ZNHIT6: variants seen among roughly 807,000 people sequenced by gnomAD.
ZNHIT6 encodes box C/D snoRNA protein 1.
In ZNHIT6, 45 loss-of-function variants were observed where a neutral mutation model predicts 57.2. The observed-to-expected ratio is 0.79, with a 90% CI of 0.62 to 1.01. The LOEUF (loss-of-function observed/expected upper bound fraction) is 1.01. Among genes scored for constraint, ZNHIT6 ranks in the 50% least tolerant of loss-of-function variants. ZNHIT6 has a pLI of 0.00. For synonymous variants in ZNHIT6, 188 were observed against 190.0 expected, an observed-to-expected ratio of 0.99 and a Z score of 0.09; for missense variants, 528 against 567.3, an observed-to-expected ratio of 0.93 and a Z score of 0.70.
rs1296798266 is a variant in ZNHIT6, at chr1:85,707,960, C to T, written c.325G>A (p.Asp109Asn). Reference protein sequence around the residue: ...QEVEDRPEVKDENAGVLEVKQ... With the variant: ...QEVEDRPEVKNENAGVLEVKQ... Reference sequence around the variant, plus strand: ...ACCTCCAATACGCCTGCGTTCTCATCCTTCACCTCAGGCCTATCCTCCACC... The same window carrying T: ...ACCTCCAATACGCCTGCGTTCTCATTCTTCACCTCAGGCCTATCCTCCACC... The change falls in exon 1 of 10, where the codon GAT becomes AAT. Residue 109 changes from aspartate to asparagine, a missense_variant. Physicochemically the swap from Asp to Asn is conservative, Grantham distance 23. Coordinates refer to ENST00000370574, the MANE Select transcript of ZNHIT6 (RefSeq NM_017953.4). The T allele has an allele frequency of 2.5e-6, 4 of 1,613,904 alleles. No individual in the cohort carries two copies. The highest frequency in any genetic ancestry group is 2.2e-5 in the South Asian group (2 of 91,066).
At chr1:85,678,645 T>C (rs574743367) in intron 7 of ZNHIT6, 56 bp downstream of exon 7, 19 of 1,173,192 alleles carry the variant, frequency 1.6e-5, no homozygotes, top group Non-Finnish European at 2.4e-5. Context: ...ATGACCCTAA[T>C]AAGTACATCA....
At chr1:85,664,819 C>T (rs1661322161) in intron 8 of ZNHIT6, among the ~76,000 whole-genome samples, 1 of 151,906 alleles carries the variant, frequency 6.6e-6, no homozygotes, top group Non-Finnish European at 1.5e-5. Flanking sequence ...TAAATATTCT[C>T]TCTCGTTCTG....
chr1:85,650,541 G>A lies in ZNHIT6; in HGVS notation c.*3517C>T, dbSNP rs933255814. ...TTTTAATGCAACAGAGTACAGCTTA[G>A]TCCATTTTGTGTCGCTATAATAGAA... On this transcript the variant is annotated 3_prime_UTR_variant, in exon 10 of 10. Coordinates refer to ENST00000370574, the MANE Select transcript of ZNHIT6 (RefSeq NM_017953.4). 1 of 152,190 alleles carries A rather than the reference G, an allele frequency of 6.6e-6. No homozygotes were observed. Among genetic ancestry groups the A allele is most frequent in the Non-Finnish European group, 1.5e-5 (1 of 68,038 alleles). The allele number at this position is 152,190 out of a possible 1,614,324, so 9.4% of individuals were successfully genotyped here.
chr1:85,695,705 C>T, intron 5 of ZNHIT6, among the ~76,000 whole-genome samples: 1 of 152,170 alleles, frequency 6.6e-6, no homozygotes, highest in East Asian at 1.9e-4. Flanking sequence ...TCAACATTAA[C>T]AGCTTCAGTC....
chr1:85,667,986 G>A (rs1466757534), intron 8 of ZNHIT6, among the ~76,000 whole-genome samples: 4 of 56,802 alleles, frequency 7.0e-5, no homozygotes, highest in Non-Finnish European at 9.6e-5. Context: ...ATATATATAT[G>A]CTCTGCTTTC....
intron 8 of ZNHIT6, among the ~76,000 whole-genome samples, chr1:85,669,553 A>G (rs1421981179): frequency 6.6e-6 from 1 of 152,182 alleles, no homozygotes; most frequent in Non-Finnish European, 1.5e-5. Flanking sequence ...GGCTCTGTGC[A>G]AGTACAACAG....
chr1:85,703,588 T>C (rs2100721932), intron 4 of ZNHIT6, among the ~76,000 whole-genome samples: 2 of 152,248 alleles, frequency 1.3e-5, no homozygotes, highest in South Asian at 4.1e-4. Context: ...ATTATCTATA[T>C]GAAAAATTAA....
At chr1:85,675,470 T>C (rs984910258) in intron 8 of ZNHIT6, among the ~76,000 whole-genome samples, 3 of 152,268 alleles carry the variant, frequency 2.0e-5, no homozygotes, top group East Asian at 1.9e-4. Flanking sequence ...CATAAACAGA[T>C]GTGCTGTCAT....
At chr1:85,687,281 C>CAAA (rs371192859) in intron 5 of ZNHIT6, among the ~76,000 whole-genome samples, 1,220 of 33,468 alleles carry the variant, frequency 0.036, 280 homozygotes, top group Admixed American at 0.14. Flanking sequence ...AAGACTATCT[C>CAAA]AAAAAACAAA....
Position 85,707,980 on chromosome 1 carries a change from TCCACCTCCTGTTCTAC to T in ZNHIT6, c.289_304del (p.Val97ArgfsTer6), listed in dbSNP as rs1662740695. On this transcript the variant is annotated frameshift_variant, in exon 1 of 10. Transcript: ENST00000370574. LOFTEE classifies it high-confidence loss of function. ...CTCATCCTTCACCTCAGGCCTATCC[TCCACCTCCTGTTCTAC>T]CCACTGGCCAGCCAACCTGCCTTCT... 5.0e-6 allele frequency: 8 copies of T among 1,613,950 alleles called. No homozygotes were observed. Among genetic ancestry groups the T allele is most frequent in the Non-Finnish European group, 6.8e-6 (8 of 1,179,990 alleles).
intron 8 of ZNHIT6, among the ~76,000 whole-genome samples, chr1:85,662,969 T>C (rs1254057796): frequency 1.3e-5 from 2 of 152,234 alleles, no homozygotes; most frequent in South Asian, 4.1e-4. Flanking sequence ...CTAGATATTA[T>C]TTCTTTGAAA....
chr1:85,699,014 T>G (rs984450849), intron 5 of ZNHIT6, among the ~76,000 whole-genome samples: 1 of 152,108 alleles, frequency 6.6e-6, no homozygotes, highest in Non-Finnish European at 1.5e-5. Flanking sequence ...TAAGTCAGAT[T>G]TTGCCCAAGG....
At chr1:85,702,753 A>G (rs1022352752) in intron 4 of ZNHIT6, among the ~76,000 whole-genome samples, 1 of 152,236 alleles carries the variant, frequency 6.6e-6, no homozygotes, top group African/African-American at 2.4e-5. Flanking sequence ...TACAAGGCCT[A>G]GCTTAAAGTA....
At chr1:85,677,395 C>A in intron 7 of ZNHIT6, 82 bp from the exon 8 acceptor site, 1 of 1,002,906 alleles carries the variant, frequency 1.0e-6, no homozygotes, top group Admixed American at 2.6e-5. Context: ...AGCATTTGTA[C>A]CTAATAATAC....
intron 8 of ZNHIT6, among the ~76,000 whole-genome samples, chr1:85,667,289 T>C (rs1476028856): frequency 6.6e-6 from 1 of 152,172 alleles, no homozygotes; most frequent in African/African-American, 2.4e-5. Flanking sequence ...TCAATAAAAG[T>C]ATGTCATTCA....
rs145619776 is a variant in ZNHIT6, at chr1:85,675,329, T to C, written c.1247+1907A>G. ...CCCTGTGCTTCATTTTCCTTTAAGG[T>C]CCTCACTCTAATGTTATAACTTTCC... On this transcript the variant is annotated intron_variant, in intron 8 of 9. Transcript: ENST00000370574. Among the ~76,000 whole-genome samples, 1,432 of 152,308 alleles carry C rather than the reference T, an allele frequency of 9.4e-3. 58 individuals carry two copies. Among genetic ancestry groups the C allele is most frequent in the Admixed American group, 0.063 (959 of 15,300 alleles).
intron 9 of ZNHIT6, among the ~76,000 whole-genome samples, chr1:85,656,111 C>T (rs1224552009): frequency 2.6e-5 from 4 of 152,098 alleles, no homozygotes; most frequent in African/African-American, 9.7e-5. Flanking sequence ...TATCACCCTG[C>T]AAAATATCTG....
rs143617632 is a variant in ZNHIT6, at chr1:85,693,502, C to T, written c.1019+8655G>A. Among the ~76,000 whole-genome samples, 1,427 of 152,212 alleles carry T rather than the reference C, an allele frequency of 9.4e-3. 58 individuals carry two copies. The highest frequency in any genetic ancestry group is 0.063 in the Admixed American group (957 of 15,284). ...AAGTGACTTGGACAATATAGCTGAA[C>T]AAGTTACTTGGAATGTAGCAAAGAC... On this transcript the variant is annotated intron_variant, in intron 5 of 9. Coordinates refer to ENST00000370574, the MANE Select transcript of ZNHIT6 (RefSeq NM_017953.4).
At chr1:85,686,638 A>G (rs185900938) in intron 5 of ZNHIT6, among the ~76,000 whole-genome samples, 1 of 152,292 alleles carries the variant, frequency 6.6e-6, no homozygotes, top group African/African-American at 2.4e-5. Flanking sequence ...GGACAAAGAG[A>G]CCAACAAGGA....
Sources: allele counts gnomAD v4.1 joint callset (sites outside exome capture counted in the v4.1 genomes callset), GRCh38; gene constraint gnomAD v4.1.1; transcripts MANE v1.5; gene names NCBI Gene and HGNC (gene_info 2026-07-23, HGNC 2026-07-21).